The following UBE2Q2 variants were observed in gnomAD, a reference collection of about 807,000 sequenced individuals.
UBE2Q2 encodes ubiquitin conjugating enzyme E2 Q2.
UBE2Q2 carries 54 observed loss-of-function variants against 59.9 expected under a neutral mutation model. The ratio of observed to expected loss-of-function variants is 0.90; its 90% CI spans 0.72 to 1.13. UBE2Q2 has a LOEUF of 1.13. UBE2Q2 is among the 50% of genes most tolerant of loss of function. The probability of loss-of-function intolerance (pLI) is 0.00; values close to 1 mark genes in which losing one functional copy is unlikely to be tolerated. For missense variants in UBE2Q2, 433 were observed against 441.9 expected (o/e 0.98, Z 0.18); for synonymous variants, 165 against 155.2 (o/e 1.06, Z -0.47).
In UBE2Q2 at chr15:75,877,999, G is replaced by T; in HGVS notation, c.712G>T (p.Asp238Tyr). 1 of 1,613,754 alleles carries T rather than the reference G, an allele frequency of 6.2e-7. No homozygotes were observed. Among genetic ancestry groups the T allele is most frequent in the South Asian group, 1.1e-5 (1 of 90,980 alleles). Reference protein sequence around the residue: ...SVELINDSLYDWHVKLQKVDP... With the variant: ...SVELINDSLYYWHVKLQKVDP... ...GGAACTCATAAATGACAGTTTATAT[G>T]ACTGGCATGTTAAACTGCAGAAGTA... Residue 238 changes from aspartate (D) to tyrosine (Y), a missense_variant, in exon 7 of 13, where the codon GAC (aspartate) becomes TAC (tyrosine). Coordinates refer to ENST00000267938, the MANE Select transcript of UBE2Q2 (RefSeq NM_173469.4).
chr15:75,848,408 A>T (rs1453933590), intron 1 of UBE2Q2, among the ~76,000 whole-genome samples: 7 of 152,364 alleles, frequency 4.6e-5, no homozygotes, highest in South Asian at 2.1e-4. Flanking sequence ...GGGACAGATT[A>T]CCTTTCCAAA....
intron 5 of UBE2Q2, among the ~76,000 whole-genome samples, chr15:75,874,559 C>A (rs896155712): frequency 6.6e-6 from 1 of 152,152 alleles, no homozygotes; most frequent in African/African-American, 2.4e-5. Context: ...GCTGGGATTA[C>A]AGGTGTGAGC....
intron 7 of UBE2Q2, 66 bp from the exon 8 acceptor site, chr15:75,879,032 G>A: frequency 1.7e-6 from 2 of 1,203,042 alleles, no homozygotes; most frequent in Non-Finnish European, 2.3e-6. Flanking sequence ...GTTCATTTTT[G>A]AGTTTAGTTA....
At chr15:75,883,652 A>G (rs1373713693) in intron 9 of UBE2Q2, among the ~76,000 whole-genome samples, 1 of 151,430 alleles carries the variant, frequency 6.6e-6, no homozygotes, top group Non-Finnish European at 1.5e-5. Flanking sequence ...AAACATTTGG[A>G]GAGCTAGTCC....
chr15:75,852,987 ATCGTT>A (rs759750840), intron 1 of UBE2Q2, among the ~76,000 whole-genome samples: 26 of 152,190 alleles, frequency 1.7e-4, no homozygotes, highest in Non-Finnish European at 3.4e-4. Context: ...GTTTCCTAAA[ATCGTT>A]TCTGTGAAAT....
At chr15:75,890,772 G>A (rs1005439352) in intron 10 of UBE2Q2, 147 bp from the exon 11 acceptor site, 1 of 725,628 alleles carries the variant, frequency 1.4e-6, no homozygotes, top group Non-Finnish European at 2.2e-6. Flanking sequence ...TGAGATTCTG[G>A]AAATGTTCCA....
chr15:75,899,616 T>TCTG lies in UBE2Q2; in HGVS notation c.*158_*159insCTG, dbSNP rs1899646813. Reference sequence around the variant, plus strand: ...CTGTCATCTGACATCCAGTATAAGTTACAGCCTTTGCATTTTGCTCATTTT... The same window carrying TCTG: ...CTGTCATCTGACATCCAGTATAAGTTCTGACAGCCTTTGCATTTTGCTCATTTT... On this transcript the variant is annotated 3_prime_UTR_variant, in exon 13 of 13. Coordinates refer to ENST00000267938, the MANE Select transcript of UBE2Q2 (RefSeq NM_173469.4). 1.8e-6 allele frequency: 1 copy of TCTG among 561,258 alleles called. No individual in the cohort carries two copies. Among genetic ancestry groups the TCTG allele is most frequent in the African/African-American group, 2.0e-5 (1 of 50,594 alleles). The allele number at this position is 561,258 out of a possible 1,614,324, so 34.8% of individuals were successfully genotyped here.
intron 1 of UBE2Q2, chr15:75,844,739 A>G (rs993171171): frequency 5.3e-6 from 2 of 376,120 alleles, no homozygotes; most frequent in African/African-American, 4.1e-5. Context: ...TTGATGTAGG[A>G]TATTGGTCCA....
intron 3 of UBE2Q2, among the ~76,000 whole-genome samples, chr15:75,860,567 C>T (rs559435593): frequency 6.6e-6 from 1 of 152,078 alleles, no homozygotes; most frequent in East Asian, 1.9e-4. Context: ...ATCATTAGGA[C>T]TTTGTAGAGT....
chr15:75,868,891 T>C, intron 3 of UBE2Q2, 60 bp from the exon 4 acceptor site: 1 of 1,478,382 alleles, frequency 6.8e-7, no homozygotes, highest in South Asian at 1.2e-5. Context: ...AGTCTTCTAA[T>C]GTACTCAGCC....
intron 4 of UBE2Q2, among the ~76,000 whole-genome samples, chr15:75,873,006 A>G (rs558396955): frequency 1.3e-5 from 2 of 152,338 alleles, no homozygotes; most frequent in Admixed American, 1.3e-4. Flanking sequence ...CAAGGTTGAA[A>G]TAGGTATCCT....
chr15:75,849,397 T>A (rs764793745), intron 1 of UBE2Q2, among the ~76,000 whole-genome samples: 5 of 152,200 alleles, frequency 3.3e-5, no homozygotes, highest in Non-Finnish European at 7.3e-5. Flanking sequence ...AGCTGTGTCC[T>A]ACATTTGGAA....
At chr15:75,867,790 C>G (rs909839420) in intron 3 of UBE2Q2, among the ~76,000 whole-genome samples, 7 of 152,116 alleles carry the variant, frequency 4.6e-5, no homozygotes. Flanking sequence ...TTCGAAAATG[C>G]TCTTTCAATC....
At position 75,856,267 on chromosome 15, in the gene UBE2Q2, G is replaced by A. The variant is rs1312532876; in HGVS notation, c.282+1780G>A. Among the ~76,000 whole-genome samples the A allele has an allele frequency of 8.8e-5, 9 of 102,440 alleles. No individual in the cohort carries two copies. In the East Asian group the frequency reaches 1.4e-3, roughly 16 times the overall value. 67.2% of individuals were successfully genotyped at this position (102,440 alleles called of 152,430 possible). A position where few individuals can be genotyped will look rare whatever the true frequency, so the allele number is the denominator to read the frequency against. ...TATACGTGTGTGTGTGTGTGTGTGT[G>A]TGTATATATATATATATATATATAT... On this transcript the variant is annotated intron_variant, in intron 2 of 12. Transcript: ENST00000267938.
intron 4 of UBE2Q2, among the ~76,000 whole-genome samples, chr15:75,872,323 G>C (rs999126725): frequency 5.1e-4 from 71 of 139,830 alleles, no homozygotes; most frequent in African/African-American, 1.7e-3. Flanking sequence ...GCCTGCTTGG[G>C]GAAAAAAAAA....
chr15:75,860,301 T>C (rs56139080), intron 3 of UBE2Q2, among the ~76,000 whole-genome samples: 5,439 of 152,264 alleles, frequency 0.036, 174 homozygotes, highest in African/African-American at 0.081. Flanking sequence ...CACCTAGCAA[T>C]GTCATCTCCT....
intron 1 of UBE2Q2, chr15:75,844,206 G>A: frequency 6.8e-7 from 1 of 1,463,536 alleles, no homozygotes; most frequent in Non-Finnish European, 9.0e-7. Flanking sequence ...GGGCGGGGCG[G>A]GGCGGCGCAG....
intron 1 of UBE2Q2, chr15:75,844,674 A>G (rs866123976): frequency 3.5e-6 from 2 of 573,696 alleles, no homozygotes; most frequent in Non-Finnish European, 5.9e-6. Flanking sequence ...TGGTAAAGGA[A>G]TTGAAGTATT....
rs1027263120 is a variant in UBE2Q2, at chr15:75,872,709, A to G, written c.448-719A>G. Among the ~76,000 whole-genome samples, 26 of 151,902 alleles carry G rather than the reference A, an allele frequency of 1.7e-4. No homozygotes were observed. In the Middle Eastern group the frequency reaches 0.01, roughly 60 times the overall value. On this transcript the variant is annotated intron_variant, in intron 4 of 12. Coordinates refer to ENST00000267938, the MANE Select transcript of UBE2Q2 (RefSeq NM_173469.4). Reference sequence around the variant, plus strand: ...TTTCTAACTTTTTTTCTAGTTATAAACGTCAATAGATGCTTACTACATAAA... The same window carrying G: ...TTTCTAACTTTTTTTCTAGTTATAAGCGTCAATAGATGCTTACTACATAAA...
Sources: gnomAD v4.1 joint callset for allele counts (sites outside exome capture counted in the v4.1 genomes callset) on GRCh38, gnomAD v4.1.1 for gene constraint, MANE v1.5 for transcripts, NCBI Gene and HGNC (gene_info 2026-07-23, HGNC 2026-07-21) for gene names.